MRM1: variants seen among roughly 807,000 people sequenced by gnomAD.
The protein encoded by MRM1 is rRNA methyltransferase 1, mitochondrial.
A neutral mutation model predicts 25.0 loss-of-function variants in MRM1; 24 were observed. The observed-to-expected ratio is 0.96, with a 90% CI of 0.69 to 1.35. MRM1 has a LOEUF of 1.35. Ranked by LOEUF, MRM1 falls within the 40% of genes most tolerant of loss-of-function variation. The pLI, the probability that MRM1 is intolerant of heterozygous loss-of-function variation, is 0.00. For missense variants in MRM1, 431 were observed against 464.1 expected (o/e 0.93, Z 0.65); for synonymous variants, 188 against 199.2 (o/e 0.94, Z 0.47).
At chr17:36,603,114 T>G in intron 2 of MRM1, 1 of 985,372 alleles carries the variant, frequency 1.0e-6, no homozygotes, top group Non-Finnish European at 1.2e-6. Flanking sequence ...GTGCTTCCCT[T>G]GCTGGACACA....
chr17:36,619,386 G>A, the MRM1 span, among the ~76,000 whole-genome samples: 3 of 152,148 alleles, frequency 2.0e-5, no homozygotes, highest in Non-Finnish European at 1.5e-5. Flanking sequence ...CCCTGCCTTG[G>A]GCCAGGTGCA....
chr17:36,604,984 A>T (rs1156677601), intron 2 of MRM1, among the ~76,000 whole-genome samples: 3 of 151,432 alleles, frequency 2.0e-5, no homozygotes, highest in Non-Finnish European at 4.4e-5. Flanking sequence ...TACTAAAAAT[A>T]CAAAAATTAC....
chr17:36,604,730 C>T lies in MRM1; in HGVS notation c.636+2084C>T, dbSNP rs187072550. ...CGGAGGTAGGAGAATCGCTTGAACCCGGGAGGTGGAGGTGGTAGTGAGCCG... is the reference window on the plus strand; with the variant it reads ...CGGAGGTAGGAGAATCGCTTGAACCTGGGAGGTGGAGGTGGTAGTGAGCCG... On this transcript the variant is annotated intron_variant, in intron 2 of 4. Transcript: ENST00000614766. Among the ~76,000 whole-genome samples, 78 of 151,618 alleles carry T rather than the reference C, an allele frequency of 5.1e-4. 1 individual carries two copies. Among genetic ancestry groups the T allele is most frequent in the East Asian group, 5.8e-4 (3 of 5,136 alleles).
At chr17:36,605,750 C>A (rs530565252) in intron 2 of MRM1, among the ~76,000 whole-genome samples, 6 of 152,106 alleles carry the variant, frequency 3.9e-5, no homozygotes, top group African/African-American at 1.4e-4. Context: ...AGGTCAAAAA[C>A]CTTGGCATCA....
chr17:36,614,173 T>TG, the MRM1 span, among the ~76,000 whole-genome samples: 2 of 151,956 alleles, frequency 1.3e-5, no homozygotes, highest in Non-Finnish European at 2.9e-5. Flanking sequence ...CCCTGCTCTC[T>TG]GGGGGGAAGG....
downstream of MRM1, among the ~76,000 whole-genome samples, chr17:36,613,343 A>G (rs553312872): frequency 1.0e-3 from 152 of 152,080 alleles, no homozygotes; most frequent in Non-Finnish European, 1.7e-3. Flanking sequence ...AATGTAATCA[A>G]CCTTGAGGTT....
At chr17:36,615,201 G>A in the MRM1 span, among the ~76,000 whole-genome samples, 3 of 152,184 alleles carry the variant, frequency 2.0e-5, no homozygotes, top group African/African-American at 7.2e-5. Context: ...TTCACCAGCT[G>A]CTGTGGGCCG....
chr17:36,608,439 G>A lies in MRM1; in HGVS notation c.*24G>A. ...GACGTGGACTGTCCACAGTGTTCATGTGCTGGAGTCAGGGACGGCCGCACC... is the reference window on the plus strand; with the variant it reads ...GACGTGGACTGTCCACAGTGTTCATATGCTGGAGTCAGGGACGGCCGCACC... On this transcript the variant is annotated 3_prime_UTR_variant, in exon 5 of 5. Transcript: ENST00000614766. The A allele has an allele frequency of 1.4e-6, 2 of 1,460,454 alleles. No individual in the cohort carries two copies. Among genetic ancestry groups the A allele is most frequent in the African/African-American group, 1.4e-5 (1 of 70,300 alleles). The allele number at this position is 1,460,454 out of a possible 1,614,324, so 90.5% of individuals were successfully genotyped here.
At chr17:36,623,423 A>G in the MRM1 span, among the ~76,000 whole-genome samples, 4 of 152,270 alleles carry the variant, frequency 2.6e-5, no homozygotes, top group African/African-American at 7.2e-5. Context: ...CATGACAAAT[A>G]TAGTTATCAG....
At chr17:36,631,451 G>A in the MRM1 span, among the ~76,000 whole-genome samples, 7 of 152,194 alleles carry the variant, frequency 4.6e-5, no homozygotes, top group African/African-American at 1.7e-4. Context: ...TCTTTCCTGC[G>A]GGTTTGTGTC....
Position 36,602,496 on chromosome 17 carries a change from T to C in MRM1, c.543-57T>C. On this transcript the variant is annotated intron_variant, in intron 1 of 4. Coordinates refer to ENST00000614766, the MANE Select transcript of MRM1 (RefSeq NM_024864.5). The surrounding 1 kb of genome is among the most constrained non-coding windows in gnomAD (Gnocchi z 4.1). ...CTAGCCCTTGGGAGCCCTGGGAGGG[T>C]AGGGAGCCGGGCTTGAGATGGCCCA... 6.2e-7 allele frequency: 1 copy of C among 1,610,590 alleles called. No individual in the cohort carries two copies. Among genetic ancestry groups the C allele is most frequent in the Non-Finnish European group, 8.5e-7 (1 of 1,177,302 alleles).
chr17:36,629,916 G>C, the MRM1 span, among the ~76,000 whole-genome samples: 1 of 152,194 alleles, frequency 6.6e-6, no homozygotes, highest in Non-Finnish European at 1.5e-5. Flanking sequence ...ATGGGGGCTT[G>C]TTTACAATGC....
At chr17:36,606,436 TG>T (rs1265719980) in intron 2 of MRM1, among the ~76,000 whole-genome samples, 2 of 142,268 alleles carry the variant, frequency 1.4e-5, no homozygotes, top group African/African-American at 2.7e-5. Context: ...TTTTTTGAGA[TG>T]GGGGTCTCAC....
chr17:36,612,413 T>C (rs943627989), downstream of MRM1, among the ~76,000 whole-genome samples: 7 of 152,110 alleles, frequency 4.6e-5, no homozygotes, highest in Non-Finnish European at 8.8e-5. Context: ...GGGTCTGAGG[T>C]CCTAAGGATG....
the MRM1 span, among the ~76,000 whole-genome samples, chr17:36,629,483 T>C: frequency 6.6e-6 from 1 of 152,120 alleles, no homozygotes; most frequent in African/African-American, 2.4e-5. Flanking sequence ...GACAATCCTC[T>C]GAGCATGTGG....
the MRM1 span, among the ~76,000 whole-genome samples, chr17:36,625,899 C>G: frequency 6.6e-6 from 1 of 152,140 alleles, no homozygotes; most frequent in African/African-American, 2.4e-5. Context: ...CTCCCACTCC[C>G]TCCCCACAGC....
downstream of MRM1, among the ~76,000 whole-genome samples, chr17:36,612,919 C>T (rs559127182): frequency 1.3e-5 from 2 of 152,134 alleles, no homozygotes; most frequent in Non-Finnish European, 2.9e-5. Context: ...CCAACCTGGC[C>T]TCCGTTTTCC....
chr17:36,608,241 A>G lies in MRM1; in HGVS notation c.890-2A>G. 2 of 1,561,452 alleles carry G rather than the reference A, an allele frequency of 1.3e-6. 1 individual carries two copies. The highest frequency in any genetic ancestry group is 3.5e-4 in the Middle Eastern group (2 of 5,766). The stretch of plus-strand genomic sequence containing the variant: ...TCTTCCCTTGTCCTTGTGTCTGTGC[A>G]GGAATTCTTCTTCACTCCATTTGCA... On this transcript the variant is annotated splice_acceptor_variant, in intron 4 of 4. Coordinates refer to ENST00000614766, the MANE Select transcript of MRM1 (RefSeq NM_024864.5). LOFTEE classifies it high-confidence loss of function.
At chr17:36,630,897 G>C in the MRM1 span, among the ~76,000 whole-genome samples, 2 of 152,152 alleles carry the variant, frequency 1.3e-5, no homozygotes, top group East Asian at 3.9e-4. Flanking sequence ...GCTGGGACTC[G>C]GGGGCCCAGG....
Sources: gnomAD v4.1 joint callset for allele counts (sites outside exome capture counted in the v4.1 genomes callset) on GRCh38, gnomAD v4.1.1 for gene constraint, Gnocchi (gnomAD v3.1) non-coding constraint, MANE v1.5 for transcripts, NCBI Gene and HGNC (gene_info 2026-07-23, HGNC 2026-07-21) for gene names.